SLC25A26: variants seen among roughly 807,000 people sequenced by gnomAD.
SLC25A26 encodes the protein solute carrier family 25 member 26.
A neutral mutation model predicts 37.8 loss-of-function variants in SLC25A26; 36 were observed. That is an observed-to-expected ratio of 0.95 (90% CI 0.73 to 1.26). The LOEUF is 1.26. Ranked by LOEUF, SLC25A26 falls within the 50% of genes most tolerant of loss-of-function variation. SLC25A26 has a pLI of 0.00. For synonymous variants in SLC25A26, 129 were observed against 122.5 expected (o/e 1.05, Z -0.35); for missense variants, 390 against 331.1 (o/e 1.18, Z -1.38).
chr3:66,368,031 G>T (rs890275806), intron 7 of SLC25A26, among the ~76,000 whole-genome samples: 1 of 152,126 alleles, frequency 6.6e-6, no homozygotes, highest in African/African-American at 2.4e-5. Flanking sequence ...GGCATAAATA[G>T]GTACACCTTT....
rs150031616 is a variant in SLC25A26, at chr3:66,336,609, A to G, written c.454-9755A>G. On this transcript the variant is annotated intron_variant, in intron 5 of 9. Transcript: ENST00000354883. ...TACCTTCCTCAACTACTGCCTGGCT[A>G]TTTTCTTAAAGGACTGAAGTCAGTA... 2.8e-4 allele frequency among the ~76,000 whole-genome samples: 43 copies of G among 152,262 alleles called. 1 individual carries two copies. Among genetic ancestry groups the G allele is most frequent in the African/African-American group, 7.9e-4 (33 of 41,552 alleles).
chr3:66,251,579 G>T (rs552377136), intron 3 of SLC25A26, among the ~76,000 whole-genome samples: 1 of 152,196 alleles, frequency 6.6e-6, no homozygotes, highest in Non-Finnish European at 1.5e-5. Flanking sequence ...GAAAGAAGAC[G>T]AAAGAGAGAG....
At chr3:66,225,700 C>T (rs1047166961) in intron 1 of SLC25A26, among the ~76,000 whole-genome samples, 4 of 152,154 alleles carry the variant, frequency 2.6e-5, no homozygotes, top group Non-Finnish European at 4.4e-5. Flanking sequence ...ATTTTCCAAA[C>T]TTTTATGCTT....
chr3:66,135,020 G>A (rs558830017), intron 1 of SLC25A26, among the ~76,000 whole-genome samples: 19 of 152,006 alleles, frequency 1.2e-4, no homozygotes, highest in African/African-American at 3.9e-4. Context: ...TAGTACAGAC[G>A]GGGTTTCACC....
At chr3:66,376,466 A>G (rs1256200775) in intron 9 of SLC25A26, among the ~76,000 whole-genome samples, 1 of 152,220 alleles carries the variant, frequency 6.6e-6, no homozygotes, top group African/African-American at 2.4e-5. Flanking sequence ...GTTAGCAGCC[A>G]TCATTCAAAG....
intron 5 of SLC25A26, among the ~76,000 whole-genome samples, chr3:66,287,021 G>C (rs2074535828): frequency 6.6e-6 from 1 of 152,084 alleles, no homozygotes; most frequent in African/African-American, 2.4e-5. Flanking sequence ...AGCAGGCTGG[G>C]TGCGGTGGCT....
chr3:66,347,451 G>A (rs563313864), intron 6 of SLC25A26, among the ~76,000 whole-genome samples: 17 of 152,238 alleles, frequency 1.1e-4, no homozygotes, highest in Admixed American at 3.3e-4. Context: ...TCACAATGGC[G>A]ATTATTAAAA....
At position 66,262,174 on chromosome 3, in the gene SLC25A26, G is replaced by GAATGT; in HGVS notation, c.405+19_405+20insAATGT. 7.8e-7 allele frequency: 1 copy of GAATGT among 1,290,184 alleles called. No homozygotes were observed. The highest frequency in any genetic ancestry group is 1.1e-6 in the Non-Finnish European group (1 of 925,650). The allele number at this position is 1,290,184 out of a possible 1,614,324, so 79.9% of individuals were successfully genotyped here. ...TGAAGAGGTGAGATGGGTTTTTTAA[G>GAATGT]CTCTTCTTTTCTTTATTAAGATTTT... On this transcript the variant is annotated intron_variant, in intron 4 of 9. Transcript: ENST00000354883.
At chr3:66,317,861 G>C (rs1243511044) in intron 5 of SLC25A26, among the ~76,000 whole-genome samples, 1 of 152,200 alleles carries the variant, frequency 6.6e-6, no homozygotes, top group Non-Finnish European at 1.5e-5. Flanking sequence ...AGTGGATCGG[G>C]GTCCTGCTTA....
intron 4 of SLC25A26, among the ~76,000 whole-genome samples, chr3:66,262,791 A>G (rs1240840453): frequency 1.3e-5 from 2 of 152,220 alleles, no homozygotes; most frequent in Non-Finnish European, 2.9e-5. Context: ...AGATGAAGCT[A>G]GTATAACTTC....
chr3:66,272,220 G>T (rs926119780), intron 5 of SLC25A26, among the ~76,000 whole-genome samples: 1 of 152,066 alleles, frequency 6.6e-6, no homozygotes, highest in Non-Finnish European at 1.5e-5. Context: ...ACTAAAGCTT[G>T]GTAAGTTTGT....
At chr3:66,247,134 G>T (rs1284857441) in intron 3 of SLC25A26, among the ~76,000 whole-genome samples, 1 of 152,068 alleles carries the variant, frequency 6.6e-6, no homozygotes. Flanking sequence ...AAAGTGCTGG[G>T]ATTACAGGTG....
At chr3:66,275,755 T>C (rs539154735) in intron 5 of SLC25A26, among the ~76,000 whole-genome samples, 54 of 152,256 alleles carry the variant, frequency 3.5e-4, no homozygotes, top group Non-Finnish European at 6.8e-4. Flanking sequence ...ATAGCTCTTA[T>C]TTTAATTTTG....
chr3:66,295,284 C>T (rs920252904), intron 5 of SLC25A26, among the ~76,000 whole-genome samples: 3 of 152,066 alleles, frequency 2.0e-5, no homozygotes, highest in African/African-American at 7.2e-5. Context: ...AGTGCAGTGG[C>T]GCGATCTCAG....
chr3:66,206,929 GC>G lies in SLC25A26; in HGVS notation c.-353-13811del, dbSNP rs1214031484. ...TTTTTTTTTTTTAACACGGAGTTTT[GC>G]CATGTTGCCTGGCGGGGGAGGTGCT... On this transcript the variant is annotated intron_variant, in intron 1 of 10. Coordinates refer to the SLC25A26 transcript ENST00000676754. Among the ~76,000 whole-genome samples, 5 of 121,794 alleles carry G rather than the reference GC, an allele frequency of 4.1e-5. 1 individual carries two copies. The highest frequency in any genetic ancestry group is 6.2e-5 in the African/African-American group (2 of 32,118). The allele number at this position is 121,794 out of a possible 152,430, so 79.9% of individuals were successfully genotyped here.
chr3:66,346,731 T>C (rs949190343), intron 6 of SLC25A26, among the ~76,000 whole-genome samples: 49 of 147,622 alleles, frequency 3.3e-4, no homozygotes, highest in African/African-American at 1.1e-3. Context: ...TGTGTGTGTG[T>C]GTGTGTGTGT....
intron 1 of SLC25A26, among the ~76,000 whole-genome samples, chr3:66,197,972 G>A (rs1472153320): frequency 6.6e-6 from 1 of 152,084 alleles, no homozygotes; most frequent in Non-Finnish European, 1.5e-5. Context: ...GAGAGCATCA[G>A]GATAAGCATA....
intron 1 of SLC25A26, among the ~76,000 whole-genome samples, chr3:66,199,245 C>G (rs1006411096): frequency 9.9e-5 from 15 of 151,940 alleles, no homozygotes; most frequent in South Asian, 2.1e-4. Context: ...CTCACCCTAC[C>G]TTTACCCTGA....
At chr3:66,273,495 T>A (rs1260309478) in intron 5 of SLC25A26, among the ~76,000 whole-genome samples, 1 of 152,120 alleles carries the variant, frequency 6.6e-6, no homozygotes, top group Non-Finnish European at 1.5e-5. Flanking sequence ...ATTGTATATC[T>A]AGAAAACCCC....
Sources: allele counts gnomAD v4.1 joint callset (sites outside exome capture counted in the v4.1 genomes callset), GRCh38; gene constraint gnomAD v4.1.1; transcripts MANE v1.5; gene names NCBI Gene and HGNC (gene_info 2026-07-23, HGNC 2026-07-21).